The following CORO2A variants were observed in gnomAD, a reference collection of about 807,000 sequenced individuals.
CORO2A encodes coronin 2A, also known as coronin-2A.
A neutral mutation model predicts 62.4 loss-of-function variants in CORO2A; 47 were observed. The observed-to-expected ratio is 0.75, with a 90% CI of 0.60 to 0.96. CORO2A has a LOEUF of 0.96. Among genes scored for constraint, CORO2A ranks in the 40% least tolerant of loss-of-function variants. CORO2A has a pLI of 0.00. For missense variants in CORO2A, 610 were observed against 684.1 expected, an observed-to-expected ratio of 0.89 and a Z score of 1.21; for synonymous variants, 273 against 268.9, an observed-to-expected ratio of 1.02 and a Z score of -0.15.
At chr9:98,130,485 G>A (rs576246720) in intron 7 of CORO2A, among the ~76,000 whole-genome samples, 40 of 152,320 alleles carry the variant, frequency 2.6e-4, no homozygotes, top group African/African-American at 8.4e-4. Context: ...TCCAAATCCC[G>A]CTCCTATCTG....
intron 1 of CORO2A, among the ~76,000 whole-genome samples, chr9:98,162,793 G>A (rs527632414): frequency 3.5e-4 from 53 of 152,352 alleles, no homozygotes; most frequent in African/African-American, 1.2e-3. Flanking sequence ...GCGTGTATCC[G>A]TGCATGCATG....
At chr9:98,129,097 T>C (rs1827369426) in intron 8 of CORO2A, among the ~76,000 whole-genome samples, 1 of 152,154 alleles carries the variant, frequency 6.6e-6, no homozygotes, top group African/African-American at 2.4e-5. Context: ...AATTTTTTTA[T>C]TTATTTGTAG....
In CORO2A at chr9:98,130,004, A is replaced by G. The variant is rs1395946855; in HGVS notation, c.871-114T>C. On this transcript the variant is annotated intron_variant, in intron 7 of 11. Coordinates refer to ENST00000375077, the MANE Select transcript of CORO2A (RefSeq NM_052820.4). ...GCTTTTTTTGATGATCGGCAAACCC[A>G]TCTCACTCAAGGGAACACCAGGAAA... The G allele has an allele frequency of 3.2e-5, 23 of 718,180 alleles. 1 individual carries two copies. In the South Asian group the frequency reaches 3.4e-4, roughly 11 times the overall value. 44.5% of individuals were successfully genotyped at this position (718,180 alleles called of 1,614,324 possible).
intron 1 of CORO2A, among the ~76,000 whole-genome samples, chr9:98,186,283 G>A (rs1828238018): frequency 6.6e-6 from 1 of 152,144 alleles, no homozygotes; most frequent in Admixed American, 6.5e-5. Flanking sequence ...GTGGCTGGCG[G>A]GGGGAGGGGC....
At chr9:98,147,652 T>C (rs1286835355) in intron 2 of CORO2A, among the ~76,000 whole-genome samples, 1 of 152,112 alleles carries the variant, frequency 6.6e-6, no homozygotes, top group Admixed American at 6.5e-5. Flanking sequence ...AAACAACAAA[T>C]ATTTTAGCAT....
intron 1 of CORO2A, among the ~76,000 whole-genome samples, chr9:98,161,671 T>C (rs778933666): frequency 2.8e-4 from 43 of 152,040 alleles, no homozygotes; most frequent in Non-Finnish European, 5.3e-4. Context: ...TAAGAGGCAA[T>C]GGTCACCCGG....
rs145498547 is a variant in CORO2A at position 98,127,548 on chromosome 9, G to A, written c.1171+622C>T. 4.9e-3 allele frequency among the ~76,000 whole-genome samples: 743 copies of A among 152,194 alleles called. 2 individuals carry two copies. Among genetic ancestry groups the A allele is most frequent in the African/African-American group, 0.016 (680 of 41,536 alleles). ...TGCAAAAGGCCAGGCCCAGTGGCTC[G>A]CACCTGTAATCCCAGCACTTCGGGA... is the stretch of plus-strand genomic sequence containing the variant. On this transcript the variant is annotated intron_variant, in intron 10 of 11. Transcript: ENST00000375077.
chr9:98,149,256 CAAATT>C (rs1827691282), intron 2 of CORO2A, among the ~76,000 whole-genome samples: 1 of 152,158 alleles, frequency 6.6e-6, no homozygotes, highest in Non-Finnish European at 1.5e-5. Flanking sequence ...ATCTGAAAGT[CAAATT>C]AAACTGGGCA....
intron 1 of CORO2A, among the ~76,000 whole-genome samples, chr9:98,174,943 C>T (rs1261616682): frequency 6.6e-6 from 1 of 152,094 alleles, no homozygotes; most frequent in Non-Finnish European, 1.5e-5. Flanking sequence ...AAATCGTAAA[C>T]TTTGCTATGT....
At chr9:98,186,391 G>A (rs1295948865) in intron 1 of CORO2A, among the ~76,000 whole-genome samples, 2 of 152,136 alleles carry the variant, frequency 1.3e-5, no homozygotes, top group Non-Finnish European at 2.9e-5. Context: ...CCTGGACACT[G>A]GTGGCAGATG....
At chr9:98,186,782 G>C (rs1564222011) in intron 1 of CORO2A, among the ~76,000 whole-genome samples, 1 of 152,104 alleles carries the variant, frequency 6.6e-6, no homozygotes. Context: ...GTGCTAATAA[G>C]TGTTTGTTAA....
At chr9:98,153,730 G>A (rs554402836) in intron 2 of CORO2A, among the ~76,000 whole-genome samples, 44 of 148,736 alleles carry the variant, frequency 3.0e-4, no homozygotes, top group African/African-American at 1.1e-3. Context: ...TGTTAAAACC[G>A]GTAAACCAGG....
intron 1 of CORO2A, among the ~76,000 whole-genome samples, chr9:98,170,279 C>A (rs1828016543): frequency 6.6e-6 from 1 of 152,136 alleles, no homozygotes; most frequent in African/African-American, 2.4e-5. Context: ...CCACCTACAG[C>A]CCTGTGGGTA....
intron 1 of CORO2A, among the ~76,000 whole-genome samples, chr9:98,177,627 C>T (rs565857780): frequency 1.6e-4 from 24 of 151,562 alleles, no homozygotes; most frequent in Middle Eastern, 3.4e-3. Flanking sequence ...CCACCACACC[C>T]GGCAAATTTT....
rs186144649 is a variant in CORO2A at position 98,124,859 on chromosome 9, C to T, written c.1493G>A (p.Arg498Gln). Residue 498 changes from arginine (R) to glutamine (Q), a missense_variant, in exon 12 of 12, where the codon CGG becomes CAG. Arg to Gln is a conservative substitution (Grantham distance 43, BLOSUM62 1). Transcript: ENST00000375077. ...YRQQEEIRRLRELLTQREVQA... is the reference protein window; with the variant it reads ...YRQQEEIRRLQELLTQREVQA... ...GACCTCTCGCTGGGTCAACAGCTCC[C>T]GGAGCCTTCGGATCTCCTCCTGTTG... The T allele has an allele frequency of 1.6e-5, 25 of 1,589,276 alleles. 1 individual carries two copies. In the Admixed American group the frequency reaches 1.6e-4, roughly 10 times the overall value.
At chr9:98,159,981 G>C (rs60944850) in intron 1 of CORO2A, among the ~76,000 whole-genome samples, 1 of 152,310 alleles carries the variant, frequency 6.6e-6, no homozygotes, top group African/African-American at 2.4e-5. Context: ...TCCTCAGAAC[G>C]AGATTACACT....
intron 1 of CORO2A, among the ~76,000 whole-genome samples, chr9:98,182,467 C>T (rs1431517449): frequency 6.6e-6 from 1 of 152,190 alleles, no homozygotes; most frequent in East Asian, 1.9e-4. Flanking sequence ...TCCACACTCC[C>T]CACCCCCATT....
Position 98,134,935 on chromosome 9 carries a change from G to A in CORO2A, c.339C>T (p.Pro113=). The change falls in exon 4 of 12, where the codon CCC becomes CCT. Residue 113 remains proline, a synonymous_variant. Coordinates refer to ENST00000375077, the MANE Select transcript of CORO2A (RefSeq NM_052820.4). The stretch of plus-strand genomic sequence containing the variant: ...TGAGGTTCCTGGTCAGCAGCTGCTT[G>A]GGGATGCTCCAGATCTTAATCTGGC... ...EDATIKIWSI[P]KQLLTRNLTA... The A allele has an allele frequency of 6.2e-7, 1 of 1,614,128 alleles. No individual in the cohort carries two copies. The highest frequency in any genetic ancestry group is 1.1e-5 in the South Asian group (1 of 91,070).
At chr9:98,154,352 T>TATATATATATATATATATATCTAC in intron 2 of CORO2A, among the ~76,000 whole-genome samples, 1 of 94,058 alleles carries the variant, frequency 1.1e-5, no homozygotes, top group Non-Finnish European at 2.2e-5. Context: ...TATATATATA[T>TATATATATATATATATATATCTAC]ACACAAATAC....
Sources: gnomAD v4.1 joint callset for allele counts (sites outside exome capture counted in the v4.1 genomes callset) on GRCh38, gnomAD v4.1.1 for gene constraint, MANE v1.5 for transcripts, NCBI Gene and HGNC (gene_info 2026-07-23, HGNC 2026-07-21) for gene names.